Variants in MYO7B observed in about 807,000 individuals in gnomAD.
MYO7B encodes unconventional myosin-VIIb.
MYO7B carries 212 observed loss-of-function variants against 259.7 expected under a neutral mutation model. That is an observed-to-expected ratio of 0.82 (90% CI 0.73 to 0.91). The LOEUF is 0.91. Ranked by LOEUF, MYO7B falls within the 40% of genes least tolerant of loss-of-function variation. The pLI is 0.00. For synonymous variants in MYO7B, 1,197 were observed against 1,166.4 expected (o/e 1.03, Z -0.54); for missense variants, 2,732 against 2,813.5 (o/e 0.97, Z 0.66).
rs1681788796 is a variant in MYO7B at position 127,636,135 on chromosome 2, C to T, written c.6007-73C>T. ...CCCACCGTACTAGCCCTGGGGTAGG[C>T]AGGTGCTGCCCCCACCAGGGCTTTG... On this transcript the variant is annotated intron_variant, in intron 44 of 47. Transcript: ENST00000409816. This position sits in a 1 kb window ranked among gnomAD's most constrained non-coding sequence, Gnocchi z 4.5. The T allele has an allele frequency of 7.7e-7, 1 of 1,290,970 alleles. No individual in the cohort carries two copies. 80.0% of individuals were successfully genotyped at this position (1,290,970 alleles called of 1,614,324 possible).
chr2:127,571,443 T>TTTTTTTTTTTGTTTTTTTG (rs1558806886), intron 6 of MYO7B, among the ~76,000 whole-genome samples: 1 of 72,892 alleles, frequency 1.4e-5, no homozygotes, highest in African/African-American at 8.6e-5. Flanking sequence ...TACCAGTGAG[T>TTTTTTTTTTTGTTTTTTTG]TTTTTTTTTT....
Position 127,637,468 on chromosome 2 carries a change from G to C in MYO7B, c.*51G>C. ...GGCGCCCTTCCCGACCTCTAGCCTG[G>C]CGGCACCTTCCCAGGCCCTCTCAAC... On this transcript the variant is annotated 3_prime_UTR_variant, in exon 48 of 48. Transcript: ENST00000409816. 7.3e-7 allele frequency: 1 copy of C among 1,362,972 alleles called. No individual in the cohort carries two copies. The highest frequency in any genetic ancestry group is 9.8e-7 in the Non-Finnish European group (1 of 1,017,470). The allele number at this position is 1,362,972 out of a possible 1,614,324, so 84.4% of individuals were successfully genotyped here. A position where few individuals can be genotyped will look rare whatever the true frequency, so the allele number is the denominator to read the frequency against.
chr2:127,575,594 G>T (rs1381906898), intron 7 of MYO7B, among the ~76,000 whole-genome samples: 1 of 151,848 alleles, frequency 6.6e-6, no homozygotes, highest in Non-Finnish European at 1.5e-5. Flanking sequence ...GAAAAGAAAA[G>T]AGATAACTAT....
chr2:127,636,148 C>G lies in MYO7B; in HGVS notation c.6007-60C>G. ...CCCTGGGGTAGGCAGGTGCTGCCCCCACCAGGGCTTTGGAGGGCCTCTGGG... is the reference window on the plus strand; with the variant it reads ...CCCTGGGGTAGGCAGGTGCTGCCCCGACCAGGGCTTTGGAGGGCCTCTGGG... On this transcript the variant is annotated intron_variant, in intron 44 of 47. Coordinates refer to ENST00000409816, the MANE Select transcript of MYO7B (RefSeq NM_001393586.1). The surrounding 1 kb of genome is among the most constrained non-coding windows in gnomAD (Gnocchi z 4.5). 1 of 1,408,288 alleles carries G rather than the reference C, an allele frequency of 7.1e-7. No individual in the cohort carries two copies. Among genetic ancestry groups the G allele is most frequent in the Non-Finnish European group, 1.0e-6 (1 of 1,003,844 alleles). The allele number at this position is 1,408,288 out of a possible 1,614,324, so 87.2% of individuals were successfully genotyped here. A position where few individuals can be genotyped will look rare whatever the true frequency, so the allele number is the denominator to read the frequency against.
At chr2:127,622,217 GC>G in intron 28 of MYO7B, 116 bp downstream of exon 28, 8 of 1,364,000 alleles carry the variant, frequency 5.9e-6, no homozygotes, top group Non-Finnish European at 7.8e-6. Context: ...TCTGAGCCCC[GC>G]CATCTCCTCT....
In MYO7B at chr2:127,620,562, C is replaced by T. The variant is rs148333956; in HGVS notation, c.3525+96C>T. 1,858 of 1,323,838 alleles carry T rather than the reference C, an allele frequency of 1.4e-3. 18 individuals are homozygous for T. The African/African-American group carries it at 0.022, about 16-fold the overall frequency. 82.0% of individuals were successfully genotyped at this position (1,323,838 alleles called of 1,614,324 possible). On this transcript the variant is annotated intron_variant, in intron 27 of 47. Coordinates refer to ENST00000409816, the MANE Select transcript of MYO7B (RefSeq NM_001393586.1). ...TGGAGCAGGTCCACAGATTCCAGTACGTGGCCCATTTCTCCTGCTCCTGCA... is the reference window on the plus strand; with the variant it reads ...TGGAGCAGGTCCACAGATTCCAGTATGTGGCCCATTTCTCCTGCTCCTGCA...
intron 19 of MYO7B, among the ~76,000 whole-genome samples, chr2:127,601,713 A>G (rs916308980): frequency 2.9e-4 from 44 of 152,218 alleles, no homozygotes; most frequent in African/African-American, 1.0e-3. Flanking sequence ...TTTCTCATAG[A>G]CAGTATGTAA....
Position 127,613,104 on chromosome 2 carries a change from A to T in MYO7B, c.3398+501A>T, listed in dbSNP as rs1680450581. 6.6e-6 allele frequency among the ~76,000 whole-genome samples: 1 copy of T among 152,200 alleles called. No homozygotes were observed. Among genetic ancestry groups the T allele is most frequent in the South Asian group, 2.1e-4 (1 of 4,832 alleles). ...TGTGTTTTAGGGGTTCACTTACTTT[A>T]GGTTAATACTTTTAACAAAATTTGG... On this transcript the variant is annotated intron_variant, in intron 26 of 47. Transcript: ENST00000409816. This position sits in a 1 kb window ranked among gnomAD's most constrained non-coding sequence, Gnocchi z 4.3.
chr2:127,591,318 T>C (rs1033347640), intron 16 of MYO7B, among the ~76,000 whole-genome samples: 2 of 152,242 alleles, frequency 1.3e-5, no homozygotes, highest in Non-Finnish European at 2.9e-5. Flanking sequence ...CCAGAGACCC[T>C]TGGCTCGTTC....
At position 127,635,105 on chromosome 2, in the gene MYO7B, C is replaced by T; in HGVS notation, c.5714-15C>T. Reference sequence around the variant, plus strand: ...GCTGGGACAGGCTTGGTGCCCACTGCTGGCCCTCGCCCAGGGGCCCCCGTG... The same window carrying T: ...GCTGGGACAGGCTTGGTGCCCACTGTTGGCCCTCGCCCAGGGGCCCCCGTG... On this transcript the variant is annotated splice_polypyrimidine_tract_variant and intron_variant, in intron 42 of 47. Transcript: ENST00000409816. The T allele has an allele frequency of 1.2e-6, 2 of 1,603,042 alleles. No homozygotes were observed. The highest frequency in any genetic ancestry group is 1.7e-6 in the Non-Finnish European group (2 of 1,174,108).
intron 37 of MYO7B, 102 bp from the exon 38 acceptor site, chr2:127,631,497 GC>G: frequency 6.6e-7 from 1 of 1,524,086 alleles, no homozygotes. Context: ...GCGGGACAGA[GC>G]CCACACATGG....
intron 38 of MYO7B, 35 bp downstream of exon 38, chr2:127,631,788 C>T (rs1287161329): frequency 1.2e-6 from 2 of 1,601,720 alleles, no homozygotes; most frequent in Non-Finnish European, 1.7e-6. Flanking sequence ...ACGCGGGCAC[C>T]CTCAGTCCTC....
chr2:127,536,345 G>C (rs1045496005), intron 1 of MYO7B, among the ~76,000 whole-genome samples: 2 of 152,132 alleles, frequency 1.3e-5, no homozygotes, highest in Admixed American at 6.6e-5. Flanking sequence ...GGAAGAAGCA[G>C]AGCCGGATTC....
At chr2:127,599,034 T>C (rs1357598514) in intron 19 of MYO7B, among the ~76,000 whole-genome samples, 1 of 152,248 alleles carries the variant, frequency 6.6e-6, no homozygotes, top group Admixed American at 6.5e-5. Context: ...AAAAGTGTTT[T>C]AGTTATTGTA....
At chr2:127,637,039 A>G (rs1221914156) in intron 47 of MYO7B, 126 bp downstream of exon 47, 2 of 1,479,644 alleles carry the variant, frequency 1.4e-6, no homozygotes, top group African/African-American at 1.4e-5. Flanking sequence ...AGGCGGGGCC[A>G]GCAGATCTGG....
chr2:127,542,443 G>A (rs924741795), intron 1 of MYO7B, among the ~76,000 whole-genome samples: 2 of 152,212 alleles, frequency 1.3e-5, no homozygotes, highest in Non-Finnish European at 2.9e-5. Context: ...TCCCATGGCT[G>A]GCTCCCCACT....
In MYO7B at chr2:127,625,375, A is replaced by G. The variant is rs777205730; in HGVS notation, c.4055A>G (p.Glu1352Gly). The change falls in exon 31 of 48, where the codon GAG (glutamate) becomes GGG (glycine). Residue 1352 changes from glutamate to glycine, a missense_variant. Around this residue, in one of 3 missense-constraint regions of MYO7B, gnomAD observed 1,906 missense variants for 2,026.4 expected, o/e 0.94. Transcript: ENST00000409816. ...GTGCCCTGGGCTGTGCAGGAGGAAG[A>G]GCTGGTTGAGCTGCTGGCCCGGCAC... ...SGEYSFEKEE[E>G]LVELLARHCY... 6.3e-7 allele frequency: 1 copy of G among 1,578,258 alleles called. No individual in the cohort carries two copies. Among genetic ancestry groups the G allele is most frequent in the Non-Finnish European group, 8.6e-7 (1 of 1,162,702 alleles).
chr2:127,608,565 A>C, intron 21 of MYO7B, 143 bp from the exon 22 acceptor site: 1 of 913,718 alleles, frequency 1.1e-6, no homozygotes, highest in Non-Finnish European at 1.6e-6. Flanking sequence ...CTACTGTTTC[A>C]GAGCAGAATA....
At chr2:127,623,824 G>A (rs1208813262) in intron 29 of MYO7B, among the ~76,000 whole-genome samples, 2 of 152,154 alleles carry the variant, frequency 1.3e-5, no homozygotes, top group Non-Finnish European at 2.9e-5. Flanking sequence ...TCATCCAACC[G>A]AGGCGCCGGA....
Sources: allele counts gnomAD v4.1 joint callset (sites outside exome capture counted in the v4.1 genomes callset), GRCh38; gene constraint gnomAD v4.1.1; regional missense constraint gnomAD v4.1.1; non-coding constraint Gnocchi (gnomAD v3.1); transcripts MANE v1.5; gene names NCBI Gene and HGNC (gene_info 2026-07-23, HGNC 2026-07-21).